KCNQ3: variants seen among roughly 807,000 people sequenced by gnomAD.
The protein encoded by KCNQ3 is potassium voltage-gated channel subfamily Q member 3, also known as potassium voltage-gated channel subfamily KQT member 3.
In KCNQ3, 30 loss-of-function variants were observed where a neutral mutation model predicts 92.5. The ratio of observed to expected loss-of-function variants is 0.32; its 90% CI spans 0.24 to 0.44. The LOEUF is 0.44. Ranked by LOEUF, KCNQ3 falls within the 20% of genes least tolerant of loss-of-function variation. The pLI, the probability that KCNQ3 is intolerant of heterozygous loss-of-function variation, is 1.00. For synonymous variants in KCNQ3, 450 were observed against 468.8 expected (o/e 0.96, Z 0.52); for missense variants, 913 against 1,140.3 (o/e 0.80, Z 2.87).
chr8:132,242,409 A>G (rs1169652386), intron 1 of KCNQ3, among the ~76,000 whole-genome samples: 1 of 152,172 alleles, frequency 6.6e-6, no homozygotes, highest in Non-Finnish European at 1.5e-5. Context: ...AAACGGCTTC[A>G]AAAGATTGAC....
intron 9 of KCNQ3, among the ~76,000 whole-genome samples, chr8:132,143,752 A>G (rs960105524): frequency 3.3e-5 from 5 of 152,256 alleles, no homozygotes; most frequent in Non-Finnish European, 7.3e-5. Context: ...TTCCCACAGA[A>G]GCAGTAGAAG....
At chr8:132,350,685 T>C (rs780075720) in intron 1 of KCNQ3, among the ~76,000 whole-genome samples, 1 of 152,094 alleles carries the variant, frequency 6.6e-6, no homozygotes, top group Non-Finnish European at 1.5e-5. Flanking sequence ...TGACAAACAG[T>C]CTAGGGCATC....
chr8:132,313,677 T>C (rs1033835857), intron 1 of KCNQ3, among the ~76,000 whole-genome samples: 3 of 152,218 alleles, frequency 2.0e-5, no homozygotes, highest in African/African-American at 4.8e-5. Context: ...ATTAATGTTA[T>C]TGACAAGATA....
intron 12 of KCNQ3, among the ~76,000 whole-genome samples, chr8:132,135,197 T>C (rs1394373994): frequency 6.6e-6 from 1 of 152,246 alleles, no homozygotes; most frequent in African/African-American, 2.4e-5. Context: ...CTGCATTAGT[T>C]TGCTAAGGAT....
At chr8:132,436,708 A>T (rs996672893) in intron 1 of KCNQ3, among the ~76,000 whole-genome samples, 1 of 152,190 alleles carries the variant, frequency 6.6e-6, no homozygotes, top group South Asian at 2.1e-4. Context: ...TTAAAGACTC[A>T]TTTTTAATCC....
rs189456744 is a variant in KCNQ3 at position 132,339,312 on chromosome 8, A to G, written c.386+140835T>C. 3.9e-5 allele frequency among the ~76,000 whole-genome samples: 6 copies of G among 152,326 alleles called. No individual in the cohort carries two copies. The East Asian group carries it at 1.2e-3, about 29-fold the overall frequency. On this transcript the variant is annotated intron_variant, in intron 1 of 14. Coordinates refer to ENST00000388996, the MANE Select transcript of KCNQ3 (RefSeq NM_004519.4). Reference sequence around the variant, plus strand: ...CTGTTCATTAATCCGTTACTCATTTATTCATTCATTCCACCAACTCGAACT... The same window carrying G: ...CTGTTCATTAATCCGTTACTCATTTGTTCATTCATTCCACCAACTCGAACT...
chr8:132,129,256 C>T lies in KCNQ3; in HGVS notation c.*6G>A. The T allele has an allele frequency of 6.2e-7, 1 of 1,609,388 alleles. No homozygotes were observed. Among genetic ancestry groups the T allele is most frequent in the Non-Finnish European group, 8.5e-7 (1 of 1,179,954 alleles). ...ATTACAAGGAGGGGTCAGCCAGTGA[C>T]CTCTTTTAAATGGGCTTATTGGAAG... On this transcript the variant is annotated 3_prime_UTR_variant, in exon 15 of 15. Coordinates refer to ENST00000388996, the MANE Select transcript of KCNQ3 (RefSeq NM_004519.4). This position sits in a 1 kb window ranked among gnomAD's most constrained non-coding sequence, Gnocchi z 5.9.
chr8:132,227,409 G>A (rs1472481385), intron 1 of KCNQ3, among the ~76,000 whole-genome samples: 1 of 152,058 alleles, frequency 6.6e-6, no homozygotes, highest in Non-Finnish European at 1.5e-5. Flanking sequence ...GAGGCACTGG[G>A]GTGTGTGTGC....
intron 1 of KCNQ3, among the ~76,000 whole-genome samples, chr8:132,424,735 T>G (rs1267255954): frequency 6.6e-6 from 1 of 152,226 alleles, no homozygotes; most frequent in Non-Finnish European, 1.5e-5. Context: ...AGGAGAGCCC[T>G]TTCTTGCTTC....
At chr8:132,135,993 C>T (rs1241062745) in intron 12 of KCNQ3, among the ~76,000 whole-genome samples, 1 of 151,754 alleles carries the variant, frequency 6.6e-6, no homozygotes, top group East Asian at 1.9e-4. Context: ...GTGGCACACG[C>T]CTCTAGTCCC....
chr8:132,231,155 A>G (rs1464349026), intron 1 of KCNQ3, among the ~76,000 whole-genome samples: 1 of 152,230 alleles, frequency 6.6e-6, no homozygotes, highest in East Asian at 1.9e-4. Flanking sequence ...GGAAGGGCCA[A>G]GGAAGGATTC....
chr8:132,408,789 G>T (rs1431885500), intron 1 of KCNQ3, among the ~76,000 whole-genome samples: 1 of 152,204 alleles, frequency 6.6e-6, no homozygotes, highest in Non-Finnish European at 1.5e-5. Flanking sequence ...GCACTAGGCA[G>T]CTAGGAGCTG....
At chr8:132,247,233 A>G (rs960166390) in intron 1 of KCNQ3, among the ~76,000 whole-genome samples, 1 of 152,180 alleles carries the variant, frequency 6.6e-6, no homozygotes, top group Non-Finnish European at 1.5e-5. Flanking sequence ...AGTAATGTCT[A>G]TGCATTTTCT....
At chr8:132,270,975 A>G (rs1189594263) in intron 1 of KCNQ3, among the ~76,000 whole-genome samples, 1 of 152,224 alleles carries the variant, frequency 6.6e-6, no homozygotes, top group Non-Finnish European at 1.5e-5. Context: ...GTGTTACAGC[A>G]ATTCATGAGC....
Position 132,480,284 on chromosome 8 carries a change from C to T in KCNQ3, c.249G>A (p.Gln83=). 1 of 1,609,340 alleles carries T rather than the reference C, an allele frequency of 6.2e-7. No individual in the cohort carries two copies. The highest frequency in any genetic ancestry group is 1.1e-5 in the South Asian group (1 of 90,458). The change falls in exon 1 of 15, where the codon CAG becomes CAA. Residue 83 remains glutamine, a synonymous_variant. Coordinates refer to ENST00000388996, the MANE Select transcript of KCNQ3 (RefSeq NM_004519.4). ...GRDEGQRRTP[Q]GIGLLAKTPL... ...GGGTCTTGGCCAGGAGCCCGATGCC[C>T]TGCGGGGTCCTCCGCTGCCCCTCGT...
At chr8:132,435,939 T>C (rs1458012127) in intron 1 of KCNQ3, among the ~76,000 whole-genome samples, 1 of 152,194 alleles carries the variant, frequency 6.6e-6, no homozygotes, top group Non-Finnish European at 1.5e-5. Flanking sequence ...GCTTCCACGG[T>C]CCTGCCCCAG....
At chr8:132,241,492 G>C (rs1236940501) in intron 1 of KCNQ3, among the ~76,000 whole-genome samples, 2 of 151,878 alleles carry the variant, frequency 1.3e-5, no homozygotes, top group Non-Finnish European at 2.9e-5. Flanking sequence ...CTGTCTCCCA[G>C]GTTCTCCTAC....
Position 132,129,498 on chromosome 8 carries a change from C to T in KCNQ3, c.2383G>A (p.Val795Ile), listed in dbSNP as rs764544537. The T allele has an allele frequency of 1.1e-5, 18 of 1,614,190 alleles. No individual in the cohort carries two copies. In the South Asian group the frequency reaches 1.6e-4, roughly 15 times the overall value. Residue 795 changes from valine to isoleucine, a missense_variant, in exon 15 of 15, where the codon GTC becomes ATC. Val to Ile is a conservative substitution (Grantham distance 29). Transcript: ENST00000388996. This position sits in a 1 kb window ranked among gnomAD's most constrained non-coding sequence, Gnocchi z 5.9. Reference protein sequence around the residue: ...DSDTPLSLMSVNHEELERSPS... With the variant: ...DSDTPLSLMSINHEELERSPS... ...GACCTCTCCAGCTCCTCGTGGTTGA[C>T]CGACATCAGGGACAGAGGTGTGTCA...
intron 1 of KCNQ3, among the ~76,000 whole-genome samples, chr8:132,192,916 G>C (rs1486003075): frequency 2.6e-5 from 4 of 152,152 alleles, no homozygotes; most frequent in Non-Finnish European, 4.4e-5. Context: ...GAAAGTGCTG[G>C]GATTACAGGT....
Sources: allele counts gnomAD v4.1 joint callset (sites outside exome capture counted in the v4.1 genomes callset), GRCh38; gene constraint gnomAD v4.1.1; non-coding constraint Gnocchi (gnomAD v3.1); transcripts MANE v1.5; gene names NCBI Gene and HGNC (gene_info 2026-07-23, HGNC 2026-07-21).